The following EDEM1 variants were observed in gnomAD, a reference collection of about 807,000 sequenced individuals.
The protein encoded by EDEM1 is ER degradation-enhancing alpha-mannosidase-like protein 1.
A neutral mutation model predicts 74.4 loss-of-function variants in EDEM1; 67 were observed. That is an observed-to-expected ratio of 0.90 (90% CI 0.74 to 1.10). The LOEUF (loss-of-function observed/expected upper bound fraction) is 1.10. Among genes scored for constraint, EDEM1 ranks in the 50% least tolerant of loss-of-function variants. EDEM1 has a pLI of 0.00. For missense variants in EDEM1, 926 were observed against 851.6 expected (o/e 1.09, Z -1.09); for synonymous variants, 382 against 335.9 (o/e 1.14, Z -1.50).
chr3:5,202,770 T>C (rs149082831), intron 4 of EDEM1, among the ~76,000 whole-genome samples, 196 bp from the exon 5 acceptor site: 1 of 152,364 alleles, frequency 6.6e-6, no homozygotes, highest in Non-Finnish European at 1.5e-5. Flanking sequence ...AGCAAGGCTC[T>C]GCTGTTCTTA....
At chr3:5,194,962 TC>T (rs1255455704) in intron 1 of EDEM1, 2 of 301,330 alleles carry the variant, frequency 6.6e-6, no homozygotes, top group Non-Finnish European at 1.2e-5. Flanking sequence ...CCTCCTGACT[TC>T]CTGTGAGCAT....
chr3:5,213,879 TC>T (rs1362730179), intron 11 of EDEM1, among the ~76,000 whole-genome samples: 3 of 151,934 alleles, frequency 2.0e-5, no homozygotes, highest in Non-Finnish European at 2.9e-5. Context: ...CCCTCCCCGC[TC>T]CCCCAGTTGC....
chr3:5,187,769 C>G lies in EDEM1; in HGVS notation c.-37C>G, dbSNP rs1384581865. 5 of 1,509,580 alleles carry G rather than the reference C, an allele frequency of 3.3e-6. No homozygotes were observed. Among genetic ancestry groups the G allele is most frequent in the Non-Finnish European group, 4.4e-6 (5 of 1,129,304 alleles). 93.5% of individuals were successfully genotyped at this position (1,509,580 alleles called of 1,614,324 possible). A position where few individuals can be genotyped will look rare whatever the true frequency, so the allele number is the denominator to read the frequency against. ...GTGCGGTGGTCGGCGGGGAGGCCCC[C>G]GCGCTTTAAAATAATGCCCGCGGCG... On this transcript the variant is annotated 5_prime_UTR_variant, in exon 1 of 12. Coordinates refer to ENST00000256497, the MANE Select transcript of EDEM1 (RefSeq NM_014674.3).
chr3:5,202,202 C>T (rs1237890043), intron 4 of EDEM1, among the ~76,000 whole-genome samples: 2 of 152,150 alleles, frequency 1.3e-5, no homozygotes, highest in Non-Finnish European at 2.9e-5. Flanking sequence ...TTCTTAAGTC[C>T]ATTTACATGT....
intron 9 of EDEM1, among the ~76,000 whole-genome samples, chr3:5,210,861 C>T (rs929838958): frequency 9.2e-5 from 14 of 152,144 alleles, no homozygotes; most frequent in Non-Finnish European, 1.8e-4. Flanking sequence ...CCTGGTGCCA[C>T]GTTATGCTTC....
chr3:5,206,049 C>T (rs2055092897), intron 6 of EDEM1, among the ~76,000 whole-genome samples: 1 of 152,144 alleles, frequency 6.6e-6, no homozygotes, highest in South Asian at 2.1e-4. Flanking sequence ...GGTTTTTATA[C>T]TTGGTGATAG....
Position 5,187,948 on chromosome 3 carries a change from G to A in EDEM1, c.143G>A (p.Ser48Asn). ...PLSFGFQRLRSPDGPASPTSG... is the reference protein window; with the variant it reads ...PLSFGFQRLRNPDGPASPTSG... ...AGCTTCGGCTTCCAGCGTCTGAGGA[G>A]CCCCGACGGCCCCGCGTCGCCCACC... The change falls in exon 1 of 12, where the codon AGC becomes AAC. Residue 48 changes from serine to asparagine, a missense_variant. Coordinates refer to ENST00000256497, the MANE Select transcript of EDEM1 (RefSeq NM_014674.3). 1 of 1,568,250 alleles carries A rather than the reference G, an allele frequency of 6.4e-7. No individual in the cohort carries two copies. The highest frequency in any genetic ancestry group is 8.6e-7 in the Non-Finnish European group (1 of 1,161,000).
At position 5,191,429 on chromosome 3, in the gene EDEM1, T is replaced by C. The variant is rs190615899; in HGVS notation, c.509+3115T>C. The stretch of plus-strand genomic sequence containing the variant: ...TAATTTTTCTGTAGAAGTGGGGTCT[T>C]ACTTTGTTGCCCAGGATGGTCTCAA... On this transcript the variant is annotated intron_variant, in intron 1 of 11. Coordinates refer to ENST00000256497, the MANE Select transcript of EDEM1 (RefSeq NM_014674.3). 1.4e-3 allele frequency among the ~76,000 whole-genome samples: 207 copies of C among 151,870 alleles called. 1 individual carries two copies. Among genetic ancestry groups the C allele is most frequent in the African/African-American group, 4.9e-3 (202 of 41,394 alleles).
intron 1 of EDEM1, among the ~76,000 whole-genome samples, chr3:5,191,059 T>C (rs2106585454): frequency 1.3e-5 from 2 of 152,304 alleles, no homozygotes; most frequent in East Asian, 3.9e-4. Context: ...TTAGTTATTT[T>C]AAAATGTACA....
At chr3:5,208,834 T>C (rs183158156) in intron 8 of EDEM1, among the ~76,000 whole-genome samples, 1 of 151,784 alleles carries the variant, frequency 6.6e-6, no homozygotes, top group African/African-American at 2.4e-5. Flanking sequence ...ACTTCAGTGG[T>C]AGAGGGAATG....
In EDEM1 at chr3:5,205,228, T is replaced by A. The variant is rs569549309; in HGVS notation, c.1204T>A (p.Tyr402Asn). ...FNAAYQSIQN[Y>N]LRRGREACNE... ...TGCTGCATATCAGAGTATTCAGAAC[T>A]ACTTAAGAAGAGGGTATGTCTCCCT... Residue 402 changes from tyrosine (Y) to asparagine (N), a missense_variant, in exon 6 of 12, where the codon TAC becomes AAC. Tyr to Asn is a moderately radical substitution (Grantham distance 143, BLOSUM62 -2). Coordinates refer to ENST00000256497, the MANE Select transcript of EDEM1 (RefSeq NM_014674.3). 1 of 1,613,708 alleles carries A rather than the reference T, an allele frequency of 6.2e-7. No individual in the cohort carries two copies. The highest frequency in any genetic ancestry group is 1.3e-5 in the African/African-American group (1 of 75,038).
At position 5,205,130 on chromosome 3, in the gene EDEM1, T is replaced by C. The variant is rs745796418; in HGVS notation, c.1106T>C (p.Leu369Pro). 1 of 1,614,268 alleles carries C rather than the reference T, an allele frequency of 6.2e-7. No homozygotes were observed. The highest frequency in any genetic ancestry group is 8.5e-7 in the Non-Finnish European group (1 of 1,180,040). Residue 369 changes from leucine to proline, a missense_variant, in exon 6 of 12, where the codon CTG becomes CCG. Transcript: ENST00000256497. ...VGKQSGLGAGLDSFYEYLLKS... is the reference protein window; with the variant it reads ...VGKQSGLGAGPDSFYEYLLKS... ...AAGCAGAGTGGCCTGGGTGCCGGGC[T>C]GGACTCCTTCTATGAATACCTCTTG...
chr3:5,196,461 GACACACAC>G (rs34441448), intron 2 of EDEM1, among the ~76,000 whole-genome samples: 6 of 148,776 alleles, frequency 4.0e-5, no homozygotes, highest in African/African-American at 1.5e-4. Context: ...CATCTCTGGA[GACACACAC>G]ACACACACAC....
At chr3:5,202,898 AG>A in intron 4 of EDEM1, 67 bp from the exon 5 acceptor site, 1 of 1,476,744 alleles carries the variant, frequency 6.8e-7, no homozygotes, top group Non-Finnish European at 9.3e-7. Flanking sequence ...GTAGTCTCTG[AG>A]ACCCGGCTTT....
chr3:5,188,488 A>G, intron 1 of EDEM1, 174 bp downstream of exon 1: 1 of 691,928 alleles, frequency 1.4e-6, no homozygotes, highest in Non-Finnish European at 2.0e-6. Context: ...CCCGAGCTTG[A>G]GGGTGCGGGG....
At chr3:5,213,167 C>A in intron 10 of EDEM1, 152 bp from the exon 11 acceptor site, 1 of 754,446 alleles carries the variant, frequency 1.3e-6, no homozygotes, top group Non-Finnish European at 2.1e-6. Context: ...TTGGGCACCA[C>A]AGTTGTCAGT....
intron 2 of EDEM1, among the ~76,000 whole-genome samples, chr3:5,198,549 A>G (rs1036882225): frequency 7.2e-5 from 11 of 152,022 alleles, no homozygotes; most frequent in Non-Finnish European, 1.2e-4. Context: ...ACCTGTGAAG[A>G]TAAACTGTCA....
At chr3:5,214,626 A>G (rs953742450) in intron 11 of EDEM1, among the ~76,000 whole-genome samples, 1 of 152,154 alleles carries the variant, frequency 6.6e-6, no homozygotes, top group East Asian at 1.9e-4. Context: ...TAATCTGTTT[A>G]CTTCTAACAA....
In EDEM1 at chr3:5,195,216, C is replaced by G. The variant is rs534644997; in HGVS notation, c.517C>G (p.Leu173Val). ...RGPDRGDPSN[L>V]NINDVLGNYS... ...TTTAATTTTCTTTTTCAGTTCAAATCTGAACATCAATGATGTACTAGGGAA... is the reference window on the plus strand; with the variant it reads ...TTTAATTTTCTTTTTCAGTTCAAATGTGAACATCAATGATGTACTAGGGAA... Residue 173 changes from leucine (L) to valine (V), a missense_variant, in exon 2 of 12, where the codon CTG becomes GTG. Transcript: ENST00000256497. 3 of 1,521,550 alleles carry G rather than the reference C, an allele frequency of 2.0e-6. No individual in the cohort carries two copies. The highest frequency in any genetic ancestry group is 2.5e-5 in the South Asian group (2 of 78,706). The allele number at this position is 1,521,550 out of a possible 1,614,324, so 94.3% of individuals were successfully genotyped here. A position where few individuals can be genotyped will look rare whatever the true frequency, so the allele number is the denominator to read the frequency against.
Sources: allele counts gnomAD v4.1 joint callset (sites outside exome capture counted in the v4.1 genomes callset), GRCh38; gene constraint gnomAD v4.1.1; transcripts MANE v1.5; gene names NCBI Gene and HGNC (gene_info 2026-07-23, HGNC 2026-07-21).